Variants in RBFOX1 observed in about 807,000 individuals in gnomAD.
RBFOX1 encodes the protein RNA binding fox-1 homolog 1.
A neutral mutation model predicts 57.7 loss-of-function variants in RBFOX1; 8 were observed. The observed-to-expected ratio is 0.14, with a 90% CI of 0.08 to 0.25. The LOEUF (loss-of-function observed/expected upper bound fraction) is 0.25, where lower values mean the gene tolerates loss of function less well. Ranked by LOEUF, RBFOX1 falls within the 10% of genes least tolerant of loss-of-function variation. The pLI is 1.00. For synonymous variants in RBFOX1, 326 were observed against 222.4 expected, an observed-to-expected ratio of 1.47 and a Z score of -4.15; for missense variants, 611 against 548.5, an observed-to-expected ratio of 1.11 and a Z score of -1.14.
intron 1 of RBFOX1, among the ~76,000 whole-genome samples, chr16:6,241,148 C>G (rs1322591297): frequency 1.3e-5 from 2 of 152,174 alleles, no homozygotes; most frequent in Non-Finnish European, 2.9e-5. Flanking sequence ...AGAGGAAAGC[C>G]CAGCACCCCA....
chr16:6,167,853 C>G (rs1221510243), intron 1 of RBFOX1, among the ~76,000 whole-genome samples: 2 of 152,134 alleles, frequency 1.3e-5, no homozygotes, highest in Non-Finnish European at 2.9e-5. Context: ...GCTCCAAGCA[C>G]TGCTCCGGGA....
Position 5,351,308 on chromosome 16 carries a change from A to T in RBFOX1, c.219+111203A>T, listed in dbSNP as rs561442983. On this transcript the variant is annotated intron_variant, in intron 1 of 2. Transcript: ENST00000585867. ...GCCAGGGCTTTGACATACATGATAG[A>T]ATTCCGTCTTCTAACTACTCTAGAA... Among the ~76,000 whole-genome samples the T allele has an allele frequency of 2.0e-5, 3 of 152,320 alleles. No homozygotes were observed. In the South Asian group the frequency reaches 6.2e-4, roughly 32 times the overall value.
At chr16:6,207,569 C>T (rs1043082258) in intron 1 of RBFOX1, among the ~76,000 whole-genome samples, 1 of 152,006 alleles carries the variant, frequency 6.6e-6, no homozygotes, top group Non-Finnish European at 1.5e-5. Flanking sequence ...TTCTCTTGGG[C>T]CCAAAACATA....
intron 3 of RBFOX1, among the ~76,000 whole-genome samples, chr16:7,021,134 A>AG (rs2038910915): frequency 6.6e-6 from 1 of 152,006 alleles, no homozygotes; most frequent in Non-Finnish European, 1.5e-5. Context: ...TTTCAAAAAA[A>AG]TTGTTTTTTG....
intron 3 of RBFOX1, among the ~76,000 whole-genome samples, chr16:5,652,658 G>C (rs967878999): frequency 2.0e-5 from 3 of 152,164 alleles, no homozygotes. Context: ...AGCTTAGCTG[G>C]GAAAATGGGT....
chr16:7,177,586 C>A (rs957010938), intron 4 of RBFOX1, among the ~76,000 whole-genome samples: 1 of 152,178 alleles, frequency 6.6e-6, no homozygotes, highest in South Asian at 2.1e-4. Flanking sequence ...CAGGCACTAC[C>A]TTTGTAGAAC....
intron 2 of RBFOX1, 115 bp from the exon 3 acceptor site, chr16:6,654,488 G>T: frequency 1.3e-6 from 1 of 790,064 alleles, no homozygotes; most frequent in Middle Eastern, 2.3e-4. Flanking sequence ...ACTATTAGGA[G>T]CATGAGCTCT....
At chr16:5,794,854 G>A (rs2054822487) in intron 3 of RBFOX1, among the ~76,000 whole-genome samples, 1 of 152,176 alleles carries the variant, frequency 6.6e-6, no homozygotes, top group Non-Finnish European at 1.5e-5. Flanking sequence ...CCAAGAGGCT[G>A]CAATCCTACT....
At chr16:5,284,878 C>T (rs1384173317) in intron 1 of RBFOX1, among the ~76,000 whole-genome samples, 3 of 144,796 alleles carry the variant, frequency 2.1e-5, no homozygotes. Flanking sequence ...TCATGCTTTT[C>T]TCTTGCTGTT....
chr16:5,523,911 G>A (rs1189009262), intron 2 of RBFOX1, among the ~76,000 whole-genome samples: 12 of 152,160 alleles, frequency 7.9e-5, no homozygotes, highest in African/African-American at 2.7e-4. Flanking sequence ...GCTGCACAGG[G>A]ACGGACCAGA....
chr16:6,929,574 A>G (rs1317060135), intron 3 of RBFOX1, among the ~76,000 whole-genome samples: 1 of 152,138 alleles, frequency 6.6e-6, no homozygotes, highest in East Asian at 1.9e-4. Flanking sequence ...AGAGGTCTGC[A>G]TGGGGCCGGG....
intron 4 of RBFOX1, among the ~76,000 whole-genome samples, chr16:7,201,292 GGTA>G (rs1319485163): frequency 1.3e-5 from 2 of 152,140 alleles, no homozygotes; most frequent in Non-Finnish European, 2.9e-5. Context: ...CGGAGAGCCA[GGTA>G]GTAGAAGAGG....
intron 4 of RBFOX1, among the ~76,000 whole-genome samples, chr16:7,383,984 G>T (rs901873250): frequency 1.3e-5 from 2 of 151,660 alleles, no homozygotes; most frequent in Non-Finnish European, 2.9e-5. Context: ...AACCCAGTAG[G>T]TGGAGGTTGC....
chr16:5,531,637 C>T (rs1032800850), intron 2 of RBFOX1, among the ~76,000 whole-genome samples: 4 of 115,994 alleles, frequency 3.4e-5, no homozygotes, highest in African/African-American at 1.5e-4. Flanking sequence ...AGCAATACCC[C>T]ATGCCTTAAA....
chr16:5,415,973 C>T (rs1406138707), intron 1 of RBFOX1, among the ~76,000 whole-genome samples: 1 of 152,148 alleles, frequency 6.6e-6, no homozygotes, highest in Non-Finnish European at 1.5e-5. Context: ...TGTGGTGGAG[C>T]TGAGAGCTGT....
intron 4 of RBFOX1, chr16:7,328,526 A>T (rs2096643473): frequency 6.6e-6 from 1 of 151,066 alleles, no homozygotes; most frequent in African/African-American, 2.4e-5. Flanking sequence ...GAGATGCAGT[A>T]TCTGACAGCC....
At chr16:7,096,373 G>T (rs1032824765) in intron 4 of RBFOX1, among the ~76,000 whole-genome samples, 7 of 152,062 alleles carry the variant, frequency 4.6e-5, no homozygotes, top group African/African-American at 1.7e-4. Context: ...TCAATTTCTC[G>T]GACCTATTTT....
rs778420319 is a variant in RBFOX1, at chr16:7,499,846, A to G, written c.28-18301A>G. Among the ~76,000 whole-genome samples the G allele has an allele frequency of 7.9e-5, 12 of 152,196 alleles. 1 individual carries two copies. Among genetic ancestry groups the G allele is most frequent in the Non-Finnish European group, 1.5e-4 (10 of 68,010 alleles). On this transcript the variant is annotated intron_variant, in intron 4 of 15. Transcript: ENST00000550418. The stretch of plus-strand genomic sequence containing the variant: ...AATTAACTACAATATCCTAAGTTGC[A>G]CACAATTATTGGGCCAGACTTCTAC...
intron 1 of RBFOX1, among the ~76,000 whole-genome samples, chr16:6,307,707 A>G (rs1221579827): frequency 6.8e-6 from 1 of 147,052 alleles, no homozygotes; most frequent in Non-Finnish European, 1.5e-5. Context: ...CATTTATGTT[A>G]TTTATATATT....
Sources: gnomAD v4.1 joint callset for allele counts (sites outside exome capture counted in the v4.1 genomes callset) on GRCh38, gnomAD v4.1.1 for gene constraint, MANE v1.5 for transcripts, NCBI Gene and HGNC (gene_info 2026-07-23, HGNC 2026-07-21) for gene names.